Variants in CNBD1 observed in about 807,000 individuals in gnomAD.
CNBD1 encodes cyclic nucleotide-binding domain-containing protein 1.
In CNBD1, 71 loss-of-function variants were observed where a neutral mutation model predicts 54.4. That is an observed-to-expected ratio of 1.30 (90% CI 1.08 to 1.59). CNBD1 has a LOEUF of 1.59. Ranked by LOEUF, CNBD1 falls within the 40% of genes most tolerant of loss-of-function variation. The probability of loss-of-function intolerance (pLI) is 0.00; values close to 1 mark genes in which losing one functional copy is unlikely to be tolerated. For missense variants in CNBD1, 659 were observed against 518.0 expected, an observed-to-expected ratio of 1.27 and a Z score of -2.64; for synonymous variants, 182 against 170.7, an observed-to-expected ratio of 1.07 and a Z score of -0.51.
intron 10 of CNBD1, among the ~76,000 whole-genome samples, chr8:87,359,409 T>C (rs1810486065): frequency 6.6e-6 from 1 of 152,158 alleles, no homozygotes; most frequent in Non-Finnish European, 1.5e-5. Context: ...GACTAGATTT[T>C]GCTTGTTTTT....
intron 2 of CNBD1, among the ~76,000 whole-genome samples, chr8:87,420,890 G>A (rs909784253): frequency 6.6e-6 from 1 of 150,496 alleles, no homozygotes; most frequent in Non-Finnish European, 1.5e-5. Context: ...TGATCCTTTT[G>A]TATCTCCCTC....
At chr8:87,333,864 A>G (rs1809887125) in intron 8 of CNBD1, among the ~76,000 whole-genome samples, 1 of 152,184 alleles carries the variant, frequency 6.6e-6, no homozygotes, top group Non-Finnish European at 1.5e-5. Context: ...TTTTGGTATC[A>G]GAATGATCTT....
intron 5 of CNBD1, among the ~76,000 whole-genome samples, chr8:87,206,567 G>T (rs1586329168): frequency 6.6e-6 from 1 of 152,098 alleles, no homozygotes. Context: ...ATTTTCATAG[G>T]TAAAACAGCA....
chr8:86,925,952 G>A (rs1232731063), intron 3 of CNBD1, among the ~76,000 whole-genome samples: 1 of 152,104 alleles, frequency 6.6e-6, no homozygotes, highest in Non-Finnish European at 1.5e-5. Flanking sequence ...CTTCCACAGG[G>A]TAAAAGGAAC....
rs1435054021 is a variant in CNBD1 at position 87,206,154 on chromosome 8, G to T, written c.577+16G>T. On this transcript the variant is annotated intron_variant, in intron 5 of 10. Coordinates refer to ENST00000518476, the MANE Select transcript of CNBD1 (RefSeq NM_173538.3). ...GGCAGCACAGGTAATAGACTAATGT[G>T]GGATAAATTTGGCGAGATAAAATGC... 2 of 1,525,970 alleles carry T rather than the reference G, an allele frequency of 1.3e-6. No individual in the cohort carries two copies. The highest frequency in any genetic ancestry group is 2.4e-5 in the East Asian group (1 of 41,444). The allele number at this position is 1,525,970 out of a possible 1,614,324, so 94.5% of individuals were successfully genotyped here. A position where few individuals can be genotyped will look rare whatever the true frequency, so the allele number is the denominator to read the frequency against.
chr8:87,087,291 A>ATATATATACGTATATATATATATTTT (rs1469518420), intron 4 of CNBD1, among the ~76,000 whole-genome samples: 9 of 146,158 alleles, frequency 6.2e-5, no homozygotes, highest in African/African-American at 2.2e-4. Context: ...ATATATATAT[A>ATATATATACGTATATATATATATTTT]TTTTTTATTG....
At chr8:86,912,984 C>G (rs1236601746) in intron 3 of CNBD1, among the ~76,000 whole-genome samples, 4 of 151,954 alleles carry the variant, frequency 2.6e-5, no homozygotes, top group African/African-American at 9.7e-5. Flanking sequence ...TAGAAAAATG[C>G]TTATAGGATA....
Position 87,020,311 on chromosome 8 carries a change from A to T in CNBD1, c.431+80557A>T, listed in dbSNP as rs552753646. Among the ~76,000 whole-genome samples the T allele has an allele frequency of 3.6e-4, 55 of 151,930 alleles. 1 individual carries two copies. Among genetic ancestry groups the T allele is most frequent in the Non-Finnish European group, 6.2e-4 (42 of 67,996 alleles). On this transcript the variant is annotated intron_variant, in intron 4 of 10. Transcript: ENST00000518476. The stretch of plus-strand genomic sequence containing the variant: ...ACATCAGACCATGTCCTCCCCCATT[A>T]TTCAAATCACTAATATTTAAAACTA...
intron 6 of CNBD1, among the ~76,000 whole-genome samples, chr8:87,245,725 TC>T (rs1374690002): frequency 2.6e-5 from 4 of 152,172 alleles, no homozygotes; most frequent in Admixed American, 2.6e-4. Flanking sequence ...ACTTTTGTTT[TC>T]TTTGTCTTTT....
At chr8:86,883,155 C>T (rs1189022918) in intron 1 of CNBD1, among the ~76,000 whole-genome samples, 3 of 150,714 alleles carry the variant, frequency 2.0e-5, no homozygotes, top group Non-Finnish European at 4.4e-5. Context: ...AACTGCACAA[C>T]CTGCATGTTC....
intron 4 of CNBD1, among the ~76,000 whole-genome samples, chr8:87,069,609 A>G (rs369305413): frequency 1.3e-5 from 2 of 152,076 alleles, no homozygotes; most frequent in African/African-American, 4.8e-5. Context: ...TTGCCTAACA[A>G]GGAATTTCTC....
At chr8:87,210,270 C>G (rs1368739061) in intron 5 of CNBD1, among the ~76,000 whole-genome samples, 2 of 152,106 alleles carry the variant, frequency 1.3e-5, no homozygotes, top group African/African-American at 4.8e-5. Flanking sequence ...GAAAGCAGAG[C>G]ATGAGAGTTT....
At chr8:87,192,671 T>C (rs936608921) in intron 4 of CNBD1, among the ~76,000 whole-genome samples, 10 of 152,314 alleles carry the variant, frequency 6.6e-5, no homozygotes, top group African/African-American at 2.4e-4. Context: ...TTAAAATTAG[T>C]ATGCATGTTG....
intron 4 of CNBD1, among the ~76,000 whole-genome samples, chr8:86,960,899 C>G (rs1256900766): frequency 6.6e-6 from 1 of 152,208 alleles, no homozygotes; most frequent in Non-Finnish European, 1.5e-5. Context: ...CCAGCAAACT[C>G]CAACAGACCT....
chr8:87,273,457 A>G (rs1808409794), intron 6 of CNBD1, among the ~76,000 whole-genome samples: 1 of 151,978 alleles, frequency 6.6e-6, no homozygotes, highest in Non-Finnish European at 1.5e-5. Context: ...GTTTCTCTGA[A>G]ACAAATTCAA....
chr8:86,925,484 T>A (rs73689964), intron 3 of CNBD1, among the ~76,000 whole-genome samples: 482 of 3,920 alleles, frequency 0.12, no homozygotes, highest in African/African-American at 0.16. Flanking sequence ...TACCAAAAAG[T>A]GTGTGTGTGT....
At position 87,109,663 on chromosome 8, in the gene CNBD1, C is replaced by T. The variant is rs376435890; in HGVS notation, c.432-96330C>T. On this transcript the variant is annotated intron_variant, in intron 4 of 10. Coordinates refer to ENST00000518476, the MANE Select transcript of CNBD1 (RefSeq NM_173538.3). Reference sequence around the variant, plus strand: ...ACGCCATTCTCCTGCCTCAGCCTCCCGAGTAGCTGGGACTACAGGCGCCCG... The same window carrying T: ...ACGCCATTCTCCTGCCTCAGCCTCCTGAGTAGCTGGGACTACAGGCGCCCG... Among the ~76,000 whole-genome samples, 451 of 151,496 alleles carry T rather than the reference C, an allele frequency of 3.0e-3. 4 individuals carry two copies. The highest frequency in any genetic ancestry group is 0.01 in the African/African-American group (426 of 41,284).
At chr8:86,971,227 G>A (rs1447927645) in intron 4 of CNBD1, among the ~76,000 whole-genome samples, 1 of 152,168 alleles carries the variant, frequency 6.6e-6, no homozygotes, top group Non-Finnish European at 1.5e-5. Flanking sequence ...CAAAGGGGAA[G>A]GAAGGCACAT....
chr8:87,336,410 C>T (rs10097421), intron 8 of CNBD1, among the ~76,000 whole-genome samples: 86,640 of 151,652 alleles, frequency 0.57, 26,352 homozygotes, highest in African/African-American at 0.78. Context: ...CCCCTTTTTT[C>T]CTCTAATCTT....
Sources: allele counts gnomAD v4.1 joint callset (sites outside exome capture counted in the v4.1 genomes callset), GRCh38; gene constraint gnomAD v4.1.1; transcripts MANE v1.5; gene names NCBI Gene and HGNC (gene_info 2026-07-23, HGNC 2026-07-21).